Variants in BCAS3 observed in about 807,000 individuals in gnomAD.
The protein encoded by BCAS3 is BCAS3 microtubule associated cell migration factor.
Under a neutral mutation model 116.1 loss-of-function variants are expected in BCAS3, and 53 were observed. The observed-to-expected ratio is 0.46, with a 90% confidence interval of 0.37 to 0.57. The LOEUF is 0.57. BCAS3 is among the 20% of genes least tolerant of loss of function. BCAS3 has a pLI of 0.00. For missense variants in BCAS3, 917 were observed against 1,165.4 expected, an observed-to-expected ratio of 0.79 and a Z score of 3.10; for synonymous variants, 391 against 408.2, an observed-to-expected ratio of 0.96 and a Z score of 0.51.
At position 60,978,600 on chromosome 17, in the gene BCAS3, A is replaced by T. The variant is rs1357918721; in HGVS notation, c.1222-11371A>T. ...CCCATGCCTATGTCCTGAATGGTAA[A>T]GCCTAGGTTTTCTTCTAGGGTTTTT... On this transcript the variant is annotated intron_variant, in intron 14 of 23. Coordinates refer to ENST00000407086, the MANE Select transcript of BCAS3 (RefSeq NM_017679.5). Among the ~76,000 whole-genome samples, 274 of 151,982 alleles carry T rather than the reference A, an allele frequency of 1.8e-3. 3 individuals carry two copies. Among genetic ancestry groups the T allele is most frequent in the African/African-American group, 5.7e-3 (237 of 41,442 alleles).
intron 22 of BCAS3, among the ~76,000 whole-genome samples, chr17:61,177,278 TGTA>T (rs1319243365): frequency 6.6e-6 from 1 of 152,202 alleles, no homozygotes; most frequent in African/African-American, 2.4e-5. Flanking sequence ...TATATACACT[TGTA>T]GTAGTCAAGA....
chr17:60,875,748 T>C (rs1407421143), intron 9 of BCAS3, among the ~76,000 whole-genome samples: 1 of 152,020 alleles, frequency 6.6e-6, no homozygotes, highest in African/African-American at 2.4e-5. Flanking sequence ...GGCAAAAATA[T>C]TGTATCTTAA....
Position 61,327,189 on chromosome 17 carries a change from G to T in BCAS3, c.2426-41138G>T, listed in dbSNP as rs2055805282. Among the ~76,000 whole-genome samples, 2 of 151,966 alleles carry T rather than the reference G, an allele frequency of 1.3e-5. No individual in the cohort carries two copies. The highest frequency in any genetic ancestry group is 4.2e-4 in the South Asian group (2 of 4,814). Reference sequence around the variant, plus strand: ...GTGGTGGCGGGCGCCTGTAGTCCCAGCTACTAGGGAGGCTGAGGCAGGAGA... The same window carrying T: ...GTGGTGGCGGGCGCCTGTAGTCCCATCTACTAGGGAGGCTGAGGCAGGAGA... On this transcript the variant is annotated intron_variant, in intron 22 of 23. Coordinates refer to ENST00000407086, the MANE Select transcript of BCAS3 (RefSeq NM_017679.5). The surrounding 1 kb of genome is among the most constrained non-coding windows in gnomAD (Gnocchi z 5.9).
Position 61,026,916 on chromosome 17 carries a change from T to C in BCAS3, c.1638-7750T>C, listed in dbSNP as rs1360783705. ...TTTTCCATAAAAGCCCCATGGTGAG[T>C]TCCAGTTCAGTCCCGCATGCCTCAT... On this transcript the variant is annotated intron_variant, in intron 16 of 23. Transcript: ENST00000407086. This position sits in a 1 kb window ranked among gnomAD's most constrained non-coding sequence, Gnocchi z 5.0. The C allele has an allele frequency of 6.3e-7, 1 of 1,599,754 alleles. No homozygotes were observed. Among genetic ancestry groups the C allele is most frequent in the Admixed American group, 1.7e-5 (1 of 58,416 alleles).
rs186067613 is a variant in BCAS3 at position 61,303,331 on chromosome 17, G to A, written c.2426-64996G>A. Reference sequence around the variant, plus strand: ...TGGGGAAGAATGTAAACAAGCACCCGTGTTTGGGGATACAGCAGCGGCCTG... The same window carrying A: ...TGGGGAAGAATGTAAACAAGCACCCATGTTTGGGGATACAGCAGCGGCCTG... On this transcript the variant is annotated intron_variant, in intron 22 of 23. Coordinates refer to ENST00000407086, the MANE Select transcript of BCAS3 (RefSeq NM_017679.5). 9.8e-4 allele frequency among the ~76,000 whole-genome samples: 150 copies of A among 152,288 alleles called. 1 individual carries two copies. The highest frequency in any genetic ancestry group is 3.0e-3 in the African/African-American group (125 of 41,548).
chr17:61,093,323 C>T (rs567401627), intron 22 of BCAS3, among the ~76,000 whole-genome samples: 21 of 152,124 alleles, frequency 1.4e-4, no homozygotes, highest in Non-Finnish European at 2.8e-4. Context: ...AGTGTGGTGG[C>T]TTATGCCTAT....
Position 61,162,310 on chromosome 17 carries a change from G to A in BCAS3, c.2425+77746G>A, listed in dbSNP as rs2078215445. On this transcript the variant is annotated intron_variant, in intron 22 of 23. Transcript: ENST00000407086. This position sits in a 1 kb window ranked among gnomAD's most constrained non-coding sequence, Gnocchi z 5.6. Reference sequence around the variant, plus strand: ...TCTCTGTGGGATGGGGATAGGTAGGGAATCATTTCTCAGGAGAAGGAGAGC... The same window carrying A: ...TCTCTGTGGGATGGGGATAGGTAGGAAATCATTTCTCAGGAGAAGGAGAGC... 1.3e-5 allele frequency among the ~76,000 whole-genome samples: 2 copies of A among 152,152 alleles called. No individual in the cohort carries two copies. The highest frequency in any genetic ancestry group is 2.4e-5 in the African/African-American group (1 of 41,440).
At chr17:60,794,201 A>G (rs1484136291) in intron 6 of BCAS3, among the ~76,000 whole-genome samples, 1 of 152,070 alleles carries the variant, frequency 6.6e-6, no homozygotes, top group Non-Finnish European at 1.5e-5. Context: ...TCACTTGTCT[A>G]TCTTCTTTTG....
At position 61,309,492 on chromosome 17, in the gene BCAS3, G is replaced by A. The variant is rs1483551924; in HGVS notation, c.2426-58835G>A. Among the ~76,000 whole-genome samples, 2 of 152,086 alleles carry A rather than the reference G, an allele frequency of 1.3e-5. No homozygotes were observed. Among genetic ancestry groups the A allele is most frequent in the Admixed American group, 6.5e-5 (1 of 15,280 alleles). On this transcript the variant is annotated intron_variant, in intron 22 of 23. Transcript: ENST00000407086. This position sits in a 1 kb window ranked among gnomAD's most constrained non-coding sequence, Gnocchi z 4.6. The stretch of plus-strand genomic sequence containing the variant: ...CTAAAGTGGACATCAGAGGGGTCCC[G>A]GCAATGCGGCCCTGACCCTTCCCTG...
intron 14 of BCAS3, among the ~76,000 whole-genome samples, chr17:60,959,462 T>G (rs1404102959): frequency 6.6e-6 from 1 of 152,192 alleles, no homozygotes; most frequent in African/African-American, 2.4e-5. Context: ...ACAAGTTGTA[T>G]GTCTTATGTC....
chr17:60,710,682 T>C lies in BCAS3; in HGVS notation c.321+1357T>C, dbSNP rs138884769. On this transcript the variant is annotated intron_variant, in intron 5 of 23. Coordinates refer to ENST00000407086, the MANE Select transcript of BCAS3 (RefSeq NM_017679.5). ...TGCTGACCTCGTGATCCGCCCGCCTTGGCCTCCCAAAGTGCTGGGATTACA... is the reference window on the plus strand; with the variant it reads ...TGCTGACCTCGTGATCCGCCCGCCTCGGCCTCCCAAAGTGCTGGGATTACA... Among the ~76,000 whole-genome samples, 839 of 152,172 alleles carry C rather than the reference T, an allele frequency of 5.5e-3. 4 individuals carry two copies. Among genetic ancestry groups the C allele is most frequent in the African/African-American group, 0.019 (794 of 41,520 alleles).
chr17:61,049,698 A>C (rs978556414), intron 19 of BCAS3, among the ~76,000 whole-genome samples: 1 of 151,196 alleles, frequency 6.6e-6, no homozygotes, highest in Non-Finnish European at 1.5e-5. Context: ...GAGCAAAGAT[A>C]AGCAGATTTT....
chr17:61,043,026 A>G (rs553584076), intron 19 of BCAS3, among the ~76,000 whole-genome samples: 8 of 151,972 alleles, frequency 5.3e-5, no homozygotes, highest in African/African-American at 1.9e-4. Context: ...GCTGTATTAC[A>G]GAGAAGACAG....
intron 1 of BCAS3, among the ~76,000 whole-genome samples, chr17:60,678,694 A>G (rs558555880): frequency 6.6e-6 from 1 of 152,324 alleles, no homozygotes; most frequent in African/African-American, 2.4e-5. Context: ...ATTGTGATTT[A>G]CTCATAGATT....
At chr17:60,859,968 G>A (rs2054021165) in intron 7 of BCAS3, among the ~76,000 whole-genome samples, 1 of 152,192 alleles carries the variant, frequency 6.6e-6, no homozygotes, top group Non-Finnish European at 1.5e-5. Flanking sequence ...ACATAGGAGT[G>A]CATGTGTCTT....
intron 22 of BCAS3, among the ~76,000 whole-genome samples, chr17:61,202,133 A>T (rs1414608298): frequency 2.1e-4 from 17 of 82,656 alleles, no homozygotes; most frequent in Admixed American, 3.6e-4. Flanking sequence ...AAAGGTGGTG[A>T]TTTTTTTTTT....
chr17:60,925,538 T>G (rs559142074), intron 13 of BCAS3, among the ~76,000 whole-genome samples: 2 of 152,344 alleles, frequency 1.3e-5, no homozygotes, highest in African/African-American at 4.8e-5. Flanking sequence ...AAGCAACTTT[T>G]TAATTAATAA....
chr17:60,882,352 G>A (rs1415262490), intron 9 of BCAS3, among the ~76,000 whole-genome samples: 1 of 147,798 alleles, frequency 6.8e-6, no homozygotes, highest in Non-Finnish European at 1.5e-5. Context: ...CCCTTTGTCA[G>A]ATGAGTAGGT....
Position 61,276,747 on chromosome 17 carries a change from C to T in BCAS3, c.2426-91580C>T, listed in dbSNP as rs752752599. ...TATAAATTCAAGGGTGCAGAAAAGC[C>T]GAAATAATCTTGAAAAAGAACAAAG... is the stretch of plus-strand genomic sequence containing the variant. On this transcript the variant is annotated intron_variant, in intron 22 of 23. Coordinates refer to ENST00000407086, the MANE Select transcript of BCAS3 (RefSeq NM_017679.5). The surrounding 1 kb of genome is among the most constrained non-coding windows in gnomAD (Gnocchi z 4.2). Among the ~76,000 whole-genome samples the T allele has an allele frequency of 9.9e-5, 15 of 151,962 alleles. No homozygotes were observed. Among genetic ancestry groups the T allele is most frequent in the East Asian group, 1.9e-4 (1 of 5,192 alleles).
Sources: allele counts gnomAD v4.1 joint callset (sites outside exome capture counted in the v4.1 genomes callset), GRCh38; gene constraint gnomAD v4.1.1; non-coding constraint Gnocchi (gnomAD v3.1); transcripts MANE v1.5; gene names NCBI Gene and HGNC (gene_info 2026-07-23, HGNC 2026-07-21).